VIT: variants seen among roughly 807,000 people sequenced by gnomAD.
VIT encodes the protein vitrin.
A neutral mutation model predicts 78.0 loss-of-function variants in VIT; 99 were observed. The observed-to-expected ratio is 1.27, with a 90% CI of 1.08 to 1.50. VIT has a LOEUF of 1.50. VIT is among the 40% of genes most tolerant of loss of function. The pLI is 0.00. For synonymous variants in VIT, 374 were observed against 334.3 expected, an observed-to-expected ratio of 1.12 and a Z score of -1.29; for missense variants, 1,126 against 875.3, an observed-to-expected ratio of 1.29 and a Z score of -3.61.
At chr2:36,795,474 G>A (rs368195006) in intron 12 of VIT, among the ~76,000 whole-genome samples, 164 of 151,366 alleles carry the variant, frequency 1.1e-3, no homozygotes, top group East Asian at 3.5e-3. Flanking sequence ...TTGCCCTGGC[G>A]CGATCTCAGC....
intron 4 of VIT, among the ~76,000 whole-genome samples, chr2:36,743,945 C>T (rs1029273277): frequency 1.3e-5 from 2 of 152,098 alleles, no homozygotes; most frequent in Non-Finnish European, 2.9e-5. Context: ...GGTAGCTTTT[C>T]AGGCTTCACC....
At position 36,729,311 on chromosome 2, in the gene VIT, A is replaced by G. The variant is rs1667049990; in HGVS notation, c.53-115A>G. ...AGTGATGCATGACTGTAAGAGGGAA[A>G]ATTAGTTCTGCCATGGAGAATACTT... is the stretch of plus-strand genomic sequence containing the variant. On this transcript the variant is annotated intron_variant, in intron 2 of 15. Coordinates refer to ENST00000379242, the MANE Select transcript of VIT (RefSeq NM_053276.4). 11 of 857,506 alleles carry G rather than the reference A, an allele frequency of 1.3e-5. No homozygotes were observed. The South Asian group carries it at 2.0e-4, about 16-fold the overall frequency. The allele number at this position is 857,506 out of a possible 1,614,324, so 53.1% of individuals were successfully genotyped here.
chr2:36,725,668 G>T (rs929507929), intron 2 of VIT, among the ~76,000 whole-genome samples: 4 of 151,946 alleles, frequency 2.6e-5, no homozygotes, highest in Non-Finnish European at 4.4e-5. Context: ...TAAATAAAAA[G>T]TTTTTTTAAA....
chr2:36,806,495 T>C lies in VIT; in HGVS notation c.1389+831T>C, dbSNP rs1171568191. ...CTCCCCAGGTCTACACCCTCCTCTTTAAGAGGCCCTCTCCTGCAGGATCCC... is the reference window on the plus strand; with the variant it reads ...CTCCCCAGGTCTACACCCTCCTCTTCAAGAGGCCCTCTCCTGCAGGATCCC... On this transcript the variant is annotated intron_variant, in intron 14 of 15. Transcript: ENST00000379242. 2.0e-5 allele frequency among the ~76,000 whole-genome samples: 3 copies of C among 152,098 alleles called. No individual in the cohort carries two copies. The East Asian group carries it at 5.8e-4, about 29-fold the overall frequency.
intron 8 of VIT, chr2:36,774,454 C>T (rs1669935342): frequency 3.1e-6 from 3 of 963,746 alleles, no homozygotes; most frequent in African/African-American, 3.5e-5. Flanking sequence ...ACTCACAGCC[C>T]GGTCTATGAG....
intron 12 of VIT, among the ~76,000 whole-genome samples, chr2:36,791,106 A>C (rs1665470129): frequency 1.3e-5 from 2 of 152,312 alleles, no homozygotes; most frequent in South Asian, 4.1e-4. Flanking sequence ...AAAATTGGAA[A>C]CAGTTGTGGG....
In VIT at chr2:36,767,264, G is replaced by A; in HGVS notation, c.658G>A (p.Gly220Ser). ...CAGCATCCCCAGACCACAATCAGTG[G>A]GCCACAGGAGCCAGGAGATGGGTCA... is the stretch of plus-strand genomic sequence containing the variant. ...TTSIPRPQSV[G>S]HRSQEMDLWS... Residue 220 changes from glycine (G) to serine (S), a missense_variant, in exon 7 of 16, where the codon GGC (glycine) becomes AGC (serine). Coordinates refer to ENST00000379242, the MANE Select transcript of VIT (RefSeq NM_053276.4). 1 of 1,575,606 alleles carries A rather than the reference G, an allele frequency of 6.3e-7. No homozygotes were observed. The highest frequency in any genetic ancestry group is 8.6e-7 in the Non-Finnish European group (1 of 1,161,682).
At chr2:36,704,573 G>C (rs1364506255) in intron 1 of VIT, among the ~76,000 whole-genome samples, 1 of 152,172 alleles carries the variant, frequency 6.6e-6, no homozygotes, top group Non-Finnish European at 1.5e-5. Flanking sequence ...TTAGGTGGTT[G>C]CCTTTGGAGA....
chr2:36,756,833 A>G (rs149150452), intron 5 of VIT, among the ~76,000 whole-genome samples: 1 of 152,352 alleles, frequency 6.6e-6, no homozygotes, highest in Non-Finnish European at 1.5e-5. Context: ...GCTGAATAAG[A>G]GCATTTCAGC....
At chr2:36,734,970 C>A (rs1667424765) in intron 3 of VIT, among the ~76,000 whole-genome samples, 1 of 152,034 alleles carries the variant, frequency 6.6e-6, no homozygotes, top group Non-Finnish European at 1.5e-5. Flanking sequence ...TCGAGACCAG[C>A]CTGGCCAACA....
Position 36,781,743 on chromosome 2 carries a change from G to A in VIT, c.819G>A (p.Trp273Ter), listed in dbSNP as rs1305628669. 6.2e-7 allele frequency: 1 copy of A among 1,614,166 alleles called. No homozygotes were observed. Among genetic ancestry groups the A allele is most frequent in the South Asian group, 1.1e-5 (1 of 91,076 alleles). Reference sequence around the variant, plus strand: ...GAAAATCAGGAGAGATGGACTCATGGAAACCTGGATCGGTCCTTTTAGATG... The same window carrying A: ...GAAAATCAGGAGAGATGGACTCATGAAAACCTGGATCGGTCCTTTTAGATG... ...ADVSLGEMDSWKPGSVLLDEG... is the reference protein window; with the variant it reads ...ADVSLGEMDS The change falls in exon 10 of 16, where the codon TGG becomes TGA. Residue 273 changes from tryptophan to a stop codon, truncating the protein, a stop_gained. Transcript: ENST00000379242. LOFTEE classifies it high-confidence loss of function.
intron 1 of VIT, among the ~76,000 whole-genome samples, chr2:36,713,778 G>A (rs528364769): frequency 6.6e-6 from 1 of 152,210 alleles, no homozygotes; most frequent in Non-Finnish European, 1.5e-5. Context: ...AGGATAACTC[G>A]GATGAAATCT....
intron 1 of VIT, among the ~76,000 whole-genome samples, chr2:36,712,892 G>A (rs1265127348): frequency 1.3e-5 from 2 of 152,204 alleles, no homozygotes; most frequent in African/African-American, 2.4e-5. Context: ...TCATAAGATT[G>A]TCTTCCCTTT....
At chr2:36,779,117 T>C (rs1670241141) in intron 9 of VIT, among the ~76,000 whole-genome samples, 1 of 152,108 alleles carries the variant, frequency 6.6e-6, no homozygotes, top group African/African-American at 2.4e-5. Context: ...TTAGCATGAG[T>C]TGCAGGTGGC....
intron 4 of VIT, among the ~76,000 whole-genome samples, chr2:36,752,284 C>A (rs759142260): frequency 6.6e-6 from 1 of 152,174 alleles, no homozygotes; most frequent in Non-Finnish European, 1.5e-5. Flanking sequence ...AATGAAAAGA[C>A]CAGCTCCATG....
At chr2:36,708,115 C>A (rs969943969) in intron 1 of VIT, among the ~76,000 whole-genome samples, 5 of 149,620 alleles carry the variant, frequency 3.3e-5, no homozygotes, top group African/African-American at 7.3e-5. Flanking sequence ...GGACCTCCCC[C>A]CCCCGCCCAC....
At chr2:36,725,612 G>GGGGGGC (rs1666792949) in intron 2 of VIT, among the ~76,000 whole-genome samples, 4 of 90,090 alleles carry the variant, frequency 4.4e-5, no homozygotes, top group African/African-American at 1.7e-4. Context: ...TGGGGGGGGG[G>GGGGGGC]TGGGTAAACA....
At chr2:36,733,288 C>G (rs941283481) in intron 3 of VIT, among the ~76,000 whole-genome samples, 1 of 152,148 alleles carries the variant, frequency 6.6e-6, no homozygotes, top group Non-Finnish European at 1.5e-5. Flanking sequence ...AACCGGCACC[C>G]CTGCTTCTTC....
intron 2 of VIT, among the ~76,000 whole-genome samples, chr2:36,719,142 A>AT (rs1412251846): frequency 1.3e-5 from 2 of 152,208 alleles, no homozygotes; most frequent in Non-Finnish European, 2.9e-5. Flanking sequence ...TGGCTTGCTT[A>AT]TTCAGATAGC....
Sources: gnomAD v4.1 joint callset for allele counts (sites outside exome capture counted in the v4.1 genomes callset) on GRCh38, gnomAD v4.1.1 for gene constraint, MANE v1.5 for transcripts, NCBI Gene and HGNC (gene_info 2026-07-23, HGNC 2026-07-21) for gene names.